TOM1L2: variants seen among roughly 807,000 people sequenced by gnomAD.
The protein encoded by TOM1L2 is TOM1-like protein 2.
A neutral mutation model predicts 67.9 loss-of-function variants in TOM1L2; 31 were observed. That is an observed-to-expected ratio of 0.46 (90% CI 0.34 to 0.62). The LOEUF is 0.62. Among genes scored for constraint, TOM1L2 ranks in the 20% least tolerant of loss-of-function variants. TOM1L2 has a pLI of 0.01. For synonymous variants in TOM1L2, 256 were observed against 254.0 expected (o/e 1.01, Z -0.07); for missense variants, 606 against 663.5 (o/e 0.91, Z 0.95).
At chr17:17,963,781 T>C (rs2041782180) in intron 1 of TOM1L2, among the ~76,000 whole-genome samples, 1 of 152,180 alleles carries the variant, frequency 6.6e-6, no homozygotes, top group African/African-American at 2.4e-5. Flanking sequence ...ATTCAGAAGG[T>C]ATGGCAATAA....
At chr17:17,876,111 T>C (rs1000414334) in intron 7 of TOM1L2, among the ~76,000 whole-genome samples, 3 of 152,310 alleles carry the variant, frequency 2.0e-5, no homozygotes, top group East Asian at 1.9e-4. Flanking sequence ...AAAGGCTAAA[T>C]TGGGAGAGAC....
intron 7 of TOM1L2, chr17:17,869,754 G>A: frequency 9.6e-7 from 1 of 1,047,006 alleles, no homozygotes; most frequent in Non-Finnish European, 1.2e-6. Context: ...ATATTAAAAT[G>A]TGATTCTTTC....
intron 1 of TOM1L2, among the ~76,000 whole-genome samples, chr17:17,958,544 C>T (rs143646997): frequency 1.2e-3 from 177 of 152,272 alleles, no homozygotes; most frequent in African/African-American, 4.2e-3. Context: ...AGACTTACTA[C>T]CCCATGCTTA....
At chr17:17,863,227 T>A in intron 10 of TOM1L2, 1 of 192,082 alleles carries the variant, frequency 5.2e-6, no homozygotes, top group Non-Finnish European at 1.1e-5. Context: ...TCAGCAAATA[T>A]TTCTTAGGTA....
At chr17:17,862,603 A>G (rs2036619719) in intron 11 of TOM1L2, 128 bp downstream of exon 11, 2 of 768,064 alleles carry the variant, frequency 2.6e-6, no homozygotes, top group Non-Finnish European at 4.4e-6. Flanking sequence ...AAGTCCTTAC[A>G]GCCATGCTTT....
intron 7 of TOM1L2, among the ~76,000 whole-genome samples, chr17:17,875,376 T>G (rs945972565): frequency 7.2e-5 from 11 of 151,954 alleles, no homozygotes; most frequent in African/African-American, 2.7e-4. Flanking sequence ...CTCTGTGGTG[T>G]CATCACAGCC....
At chr17:17,872,423 C>T (rs1239096410) in intron 7 of TOM1L2, among the ~76,000 whole-genome samples, 2 of 152,208 alleles carry the variant, frequency 1.3e-5, no homozygotes, top group Non-Finnish European at 2.9e-5. Context: ...ACAGACCATC[C>T]TCCCCTGCTT....
intron 2 of TOM1L2, among the ~76,000 whole-genome samples, chr17:17,901,388 G>C (rs1464822648): frequency 6.6e-6 from 1 of 152,212 alleles, no homozygotes; most frequent in Non-Finnish European, 1.5e-5. Context: ...GCAGCTTTCA[G>C]GGGAAAGGTC....
intron 2 of TOM1L2, among the ~76,000 whole-genome samples, chr17:17,907,068 C>A (rs2039132433): frequency 6.6e-6 from 1 of 152,216 alleles, no homozygotes; most frequent in African/African-American, 2.4e-5. Flanking sequence ...TCTCTGACTC[C>A]TGGCAAACCA....
chr17:17,848,090 G>C (rs904092003), intron 14 of TOM1L2, among the ~76,000 whole-genome samples: 2 of 152,002 alleles, frequency 1.3e-5, no homozygotes, highest in Non-Finnish European at 2.9e-5. Context: ...GTGGGGCAGG[G>C]TAAGCTGGAG....
chr17:17,895,836 T>A (rs1003000144), intron 3 of TOM1L2, among the ~76,000 whole-genome samples: 18 of 152,158 alleles, frequency 1.2e-4, no homozygotes, highest in Non-Finnish European at 1.5e-5. Context: ...ATCATCCCAT[T>A]TTAGAGATGA....
At chr17:17,909,621 T>C (rs115940195) in intron 1 of TOM1L2, among the ~76,000 whole-genome samples, 3,666 of 152,042 alleles carry the variant, frequency 0.024, 123 homozygotes, top group African/African-American at 0.078. Flanking sequence ...TGGGGAGTTA[T>C]TGTTTAATGA....
intron 1 of TOM1L2, among the ~76,000 whole-genome samples, chr17:17,945,626 CTTAG>C (rs1385678533): frequency 1.3e-5 from 2 of 152,172 alleles, no homozygotes; most frequent in Non-Finnish European, 2.9e-5. Flanking sequence ...GCCTATACAT[CTTAG>C]TTAATCATTG....
intron 2 of TOM1L2, among the ~76,000 whole-genome samples, chr17:17,903,778 A>G (rs920961492): frequency 3.3e-5 from 5 of 152,152 alleles, no homozygotes; most frequent in African/African-American, 1.2e-4. Flanking sequence ...ATGAAATCAT[A>G]TAACAGAGGA....
At chr17:17,857,896 T>A in intron 12 of TOM1L2, 2 of 1,488,076 alleles carry the variant, frequency 1.3e-6, no homozygotes, top group South Asian at 1.2e-5. Flanking sequence ...GAGAAAGAAG[T>A]CAATAGCACA....
rs796369675 is a variant in TOM1L2 at position 17,887,648 on chromosome 17, G to T, written c.367-2880C>A. On this transcript the variant is annotated intron_variant, in intron 4 of 14. Transcript: ENST00000379504. ...GTGCCACCATACCTGGCTAATTTTTGTATTTTTTGTAGAAATGGGGTTTCA... is the reference window on the plus strand; with the variant it reads ...GTGCCACCATACCTGGCTAATTTTTTTATTTTTTGTAGAAATGGGGTTTCA... Among the ~76,000 whole-genome samples the T allele has an allele frequency of 1.6e-4, 25 of 152,232 alleles. 1 individual carries two copies. In the East Asian group the frequency reaches 1.7e-3, roughly 11 times the overall value.
At chr17:17,944,525 A>G (rs2040863769) in intron 1 of TOM1L2, among the ~76,000 whole-genome samples, 1 of 152,254 alleles carries the variant, frequency 6.6e-6, no homozygotes, top group Non-Finnish European at 1.5e-5. Context: ...GTGTCTTAGA[A>G]GCAAAGAAAG....
At chr17:17,933,196 T>C (rs998295194) in intron 1 of TOM1L2, among the ~76,000 whole-genome samples, 2 of 152,114 alleles carry the variant, frequency 1.3e-5, no homozygotes, top group African/African-American at 4.8e-5. Context: ...CTCCTTTCCA[T>C]CCTTCCAGCT....
intron 1 of TOM1L2, among the ~76,000 whole-genome samples, chr17:17,922,574 G>A (rs975493376): frequency 3.3e-5 from 5 of 152,166 alleles, no homozygotes; most frequent in Non-Finnish European, 2.9e-5. Flanking sequence ...TTTGAATCTG[G>A]GGACTGGGGG....
Sources: gnomAD v4.1 joint callset for allele counts (sites outside exome capture counted in the v4.1 genomes callset) on GRCh38, gnomAD v4.1.1 for gene constraint, MANE v1.5 for transcripts, NCBI Gene and HGNC (gene_info 2026-07-23, HGNC 2026-07-21) for gene names.